DOCK8: variants seen among roughly 807,000 people sequenced by gnomAD.
The protein encoded by DOCK8 is dedicator of cytokinesis 8.
DOCK8 carries 141 observed loss-of-function variants against 245.6 expected under a neutral mutation model. That is an observed-to-expected ratio of 0.57 (90% CI 0.50 to 0.66). The LOEUF (loss-of-function observed/expected upper bound fraction) is 0.66, where lower values mean the gene tolerates loss of function less well. DOCK8 is among the 30% of genes least tolerant of loss of function. DOCK8 has a pLI of 0.00. For missense variants in DOCK8, 2,965 were observed against 2,603.4 expected, an observed-to-expected ratio of 1.14 and a Z score of -3.02; for synonymous variants, 1,168 against 970.2, an observed-to-expected ratio of 1.20 and a Z score of -3.79.
rs759813937 is a variant in DOCK8 at position 434,807 on chromosome 9, T to C, written c.4911T>C (p.Ser1637=). ...MYRIAKSYQA[S]PDLRLTWLQN... is the part of the protein sequence containing the mutation. ...GAATTGCCAAGAGTTACCAGGCATC[T>C]CCTGATCTGCGGCTGACCTGGCTCC... The change falls in exon 39 of 48, where the codon TCT becomes TCC. Residue 1637 remains serine (S), a synonymous_variant. Transcript: ENST00000432829. The C allele has an allele frequency of 6.2e-7, 1 of 1,614,044 alleles. No individual in the cohort carries two copies. Among genetic ancestry groups the C allele is most frequent in the African/African-American group, 1.3e-5 (1 of 74,934 alleles).
At chr9:449,527 G>C (rs1243016377) in intron 44 of DOCK8, among the ~76,000 whole-genome samples, 1 of 152,146 alleles carries the variant, frequency 6.6e-6, no homozygotes, top group Non-Finnish European at 1.5e-5. Context: ...ATCCCCCTTT[G>C]ACTGTAAAAT....
rs533589415 is a variant in DOCK8, at chr9:432,160, A to T, written c.4627-6A>T. 51 of 1,607,010 alleles carry T rather than the reference A, an allele frequency of 3.2e-5. No homozygotes were observed. The highest frequency in any genetic ancestry group is 4.1e-5 in the Non-Finnish European group (48 of 1,177,646). On this transcript the variant is annotated splice_region_variant and splice_polypyrimidine_tract_variant and intron_variant, in intron 36 of 47. Coordinates refer to ENST00000432829, the MANE Select transcript of DOCK8 (RefSeq NM_203447.4). ...TTCATCTTTTTTTTTTTTTTCACTG[A>T]TGCAGAATTTTGCAAGAGTAAAGAT...
intron 14 of DOCK8, among the ~76,000 whole-genome samples, chr9:346,736 C>T (rs1210725532): frequency 6.6e-6 from 1 of 152,138 alleles, no homozygotes; most frequent in Non-Finnish European, 1.5e-5. Flanking sequence ...TCCCATATCG[C>T]AGTGGAGTCT....
chr9:376,222 C>T lies in DOCK8; in HGVS notation c.2122C>T (p.Gln708Ter). The change falls in exon 19 of 48, where the codon CAG becomes TAG. Residue 708 changes from glutamine (Q) to a stop codon, truncating the protein, a stop_gained. Transcript: ENST00000432829. LOFTEE classifies it high-confidence loss of function. ...CTCTTTAACACAGAAAGTCCCATTA[C>T]AGAATCCTCCCATTAAGTGGGCTGA... ...SMHSAEKVPLQNPPIKWAEGH... is the reference protein window; with the variant it reads ...SMHSAEKVPL The T allele has an allele frequency of 6.2e-7, 1 of 1,610,080 alleles. No individual in the cohort carries two copies. Among genetic ancestry groups the T allele is most frequent in the Non-Finnish European group, 8.5e-7 (1 of 1,176,642 alleles).
chr9:457,636 G>C (rs2057680988), intron 46 of DOCK8, among the ~76,000 whole-genome samples: 3 of 152,184 alleles, frequency 2.0e-5, no homozygotes, highest in Admixed American at 2.0e-4. Flanking sequence ...CTGTCCCACA[G>C]GTATGTGACT....
At chr9:333,500 C>T (rs1250031424) in intron 10 of DOCK8, among the ~76,000 whole-genome samples, 1 of 151,876 alleles carries the variant, frequency 6.6e-6, no homozygotes, top group Non-Finnish European at 1.5e-5. Flanking sequence ...TCTCAGGAGG[C>T]TGAGGCAGGA....
At chr9:394,264 A>G (rs2054338566) in intron 24 of DOCK8, among the ~76,000 whole-genome samples, 1 of 152,112 alleles carries the variant, frequency 6.6e-6, no homozygotes, top group Non-Finnish European at 1.5e-5. Flanking sequence ...AGGACAAGAA[A>G]TCCATCAGGG....
At chr9:458,942 T>C (rs1394545047) in intron 46 of DOCK8, among the ~76,000 whole-genome samples, 2 of 152,202 alleles carry the variant, frequency 1.3e-5, no homozygotes, top group Admixed American at 6.5e-5. Flanking sequence ...AATCCTTTTC[T>C]GGAGGCGTAA....
At chr9:295,245 A>G (rs934650594) in intron 4 of DOCK8, among the ~76,000 whole-genome samples, 2 of 152,074 alleles carry the variant, frequency 1.3e-5, no homozygotes, top group African/African-American at 4.8e-5. Context: ...ATGAAGCTAC[A>G]GGGATGGAAA....
At chr9:374,879 CA>C (rs2053457249) in intron 18 of DOCK8, among the ~76,000 whole-genome samples, 1 of 152,012 alleles carries the variant, frequency 6.6e-6, no homozygotes, top group African/African-American at 2.4e-5. Flanking sequence ...CTCAAGTGCC[CA>C]CAGGATCCAG....
chr9:299,667 A>C (rs2049439975), intron 4 of DOCK8, among the ~76,000 whole-genome samples: 2 of 150,666 alleles, frequency 1.3e-5, no homozygotes, highest in South Asian at 2.1e-4. Flanking sequence ...CCTGCGTTTC[A>C]CCCAGCCCTA....
chr9:362,087 T>C (rs2052757390), intron 14 of DOCK8, among the ~76,000 whole-genome samples: 1 of 152,170 alleles, frequency 6.6e-6, no homozygotes, highest in South Asian at 2.1e-4. Flanking sequence ...AAGTAAAATA[T>C]TTTCAGATTA....
At chr9:235,595 C>A (rs549158678) in intron 1 of DOCK8, among the ~76,000 whole-genome samples, 1 of 152,068 alleles carries the variant, frequency 6.6e-6, no homozygotes, top group Non-Finnish European at 1.5e-5. Context: ...ACAACTAACT[C>A]GGCAATGGTG....
intron 39 of DOCK8, among the ~76,000 whole-genome samples, chr9:438,114 A>G (rs2056964652): frequency 6.6e-6 from 1 of 152,258 alleles, no homozygotes; most frequent in South Asian, 2.1e-4. Flanking sequence ...AAACTACGTT[A>G]CAGTATTGCA....
intron 34 of DOCK8, among the ~76,000 whole-genome samples, chr9:428,041 A>G (rs915465033): frequency 2.0e-5 from 3 of 152,248 alleles, no homozygotes; most frequent in East Asian, 3.8e-4. Context: ...TTTGCATCCC[A>G]TAAGGAAAGC....
At chr9:421,977 T>A in intron 32 of DOCK8, 71 bp from the exon 33 acceptor site, 1 of 1,332,040 alleles carries the variant, frequency 7.5e-7, no homozygotes, top group Non-Finnish European at 1.1e-6. Context: ...GTTGAGCTTG[T>A]TATGAACTTC....
rs770481901 is a variant in DOCK8, at chr9:432,194, C to T, written c.4655C>T (p.Thr1552Ile). 1.9e-6 allele frequency: 3 copies of T among 1,612,686 alleles called. No individual in the cohort carries two copies. The highest frequency in any genetic ancestry group is 8.5e-7 in the Non-Finnish European group (1 of 1,179,804). Residue 1552 changes from threonine to isoleucine, a missense_variant, in exon 37 of 48, where the codon ACC becomes ATC. Thr to Ile is a moderately conservative substitution (Grantham distance 89). Transcript: ENST00000432829. ...TTTGCAAGAGTAAAGATGCAAGTAACCATGTCCCTGGCATCTTTGGTGGGA... is the reference window on the plus strand; with the variant it reads ...TTTGCAAGAGTAAAGATGCAAGTAATCATGTCCCTGGCATCTTTGGTGGGA... ...SNFARVKMQVTMSLASLVGRA... is the reference protein window; with the variant it reads ...SNFARVKMQVIMSLASLVGRA...
At chr9:214,815 G>A, upstream of DOCK8, 2 of 1,595,410 alleles carry the variant, frequency 1.3e-6, no homozygotes, top group African/African-American at 2.7e-5. Flanking sequence ...CCCTCCCCCG[G>A]GGTGATTTCG....
Position 434,960 on chromosome 9 carries a change from C to T in DOCK8, c.5064C>T (p.Gly1688=), listed in dbSNP as rs755651921. Residue 1688 remains glycine (G), a synonymous_variant, in exon 39 of 48, where the codon GGC becomes GGT. Coordinates refer to ENST00000432829, the MANE Select transcript of DOCK8 (RefSeq NM_203447.4). Reference sequence around the variant, plus strand: ...AGGACCACAGCTACCTGCCCGTGGGCAGTGTCAGCTTCCAGGTAGGGTGTG... The same window carrying T: ...AGGACCACAGCTACCTGCCCGTGGGTAGTGTCAGCTTCCAGGTAGGGTGTG... The part of the protein sequence containing the change: ...MLEDHSYLPV[G]SVSFQNISSN... 4 of 1,612,890 alleles carry T rather than the reference C, an allele frequency of 2.5e-6. No homozygotes were observed. In the South Asian group the frequency reaches 3.3e-5, roughly 13 times the overall value.
Sources: allele counts gnomAD v4.1 joint callset (sites outside exome capture counted in the v4.1 genomes callset), GRCh38; gene constraint gnomAD v4.1.1; transcripts MANE v1.5; gene names NCBI Gene and HGNC (gene_info 2026-07-23, HGNC 2026-07-21).